Variants in PLBD1 observed in about 807,000 individuals in gnomAD.
PLBD1 encodes the protein lysosomal leucine aminopeptidase.
In PLBD1, 60 loss-of-function variants were observed where a neutral mutation model predicts 63.0. The observed-to-expected ratio is 0.95, with a 90% CI of 0.77 to 1.18. PLBD1 has a LOEUF of 1.18. Among genes scored for constraint, PLBD1 ranks in the 50% most tolerant of loss-of-function variants. PLBD1 has a pLI of 0.00. For missense variants in PLBD1, 598 were observed against 677.9 expected (o/e 0.88, Z 1.31); for synonymous variants, 262 against 248.0 (o/e 1.06, Z -0.53).
rs551325022 is a variant in PLBD1 at position 14,555,175 on chromosome 12, T to A, written c.116-1763A>T. Among the ~76,000 whole-genome samples, 262 of 152,330 alleles carry A rather than the reference T, an allele frequency of 1.7e-3. 4 individuals carry two copies. The highest frequency in any genetic ancestry group is 8.2e-4 in the Non-Finnish European group (56 of 68,028). On this transcript the variant is annotated intron_variant, in intron 1 of 10. Transcript: ENST00000240617. ...ATCCATTCTTCGTTCTCTACCAGAG[T>A]AGCACTTCTAAAATGTGAACTGATT...
At chr12:14,530,360 T>C (rs1945449519) in intron 6 of PLBD1, 1 of 152,212 alleles carries the variant, frequency 6.6e-6, no homozygotes, top group Non-Finnish European at 1.5e-5. Flanking sequence ...TTATCCCCAC[T>C]GTGCCCTATC....
chr12:14,546,870 GTTTC>G (rs1945620496), intron 2 of PLBD1, among the ~76,000 whole-genome samples: 2 of 151,906 alleles, frequency 1.3e-5, no homozygotes, highest in African/African-American at 2.4e-5. Context: ...TTTTCTTCTG[GTTTC>G]TTTTTTTTCT....
At chr12:14,519,605 T>G (rs1035236824) in intron 6 of PLBD1, among the ~76,000 whole-genome samples, 1 of 133,034 alleles carries the variant, frequency 7.5e-6, no homozygotes, top group Non-Finnish European at 1.6e-5. Context: ...GATGACAGAG[T>G]GAGACATCAT....
intron 1 of PLBD1, among the ~76,000 whole-genome samples, chr12:14,555,821 T>C (rs909760958): frequency 1.3e-5 from 2 of 152,198 alleles, no homozygotes; most frequent in African/African-American, 4.8e-5. Context: ...GGGAATGACT[T>C]CCTCTACAAA....
At chr12:14,563,501 G>A (rs1945758266) in intron 1 of PLBD1, among the ~76,000 whole-genome samples, 1 of 145,686 alleles carries the variant, frequency 6.9e-6, no homozygotes, top group African/African-American at 2.6e-5. Flanking sequence ...TTGGGCAACA[G>A]AGCAAGACTC....
At chr12:14,545,043 G>A (rs1945607035) in intron 2 of PLBD1, among the ~76,000 whole-genome samples, 1 of 151,208 alleles carries the variant, frequency 6.6e-6, no homozygotes, top group Admixed American at 6.6e-5. Flanking sequence ...CTCTTTCTCT[G>A]TCCAAATGCC....
intron 4 of PLBD1, among the ~76,000 whole-genome samples, chr12:14,537,067 C>A (rs1397184804): frequency 8.1e-6 from 1 of 123,774 alleles, no homozygotes; most frequent in South Asian, 2.4e-4. Flanking sequence ...CCAGCCTGGG[C>A]AACAGAGCGA....
chr12:14,512,749 G>C (rs1372600063), intron 6 of PLBD1, among the ~76,000 whole-genome samples: 1 of 152,228 alleles, frequency 6.6e-6, no homozygotes, highest in African/African-American at 2.4e-5. Flanking sequence ...GGTAGGGTTA[G>C]AAGGGGCCAG....
intron 1 of PLBD1, among the ~76,000 whole-genome samples, chr12:14,559,948 C>T (rs1945733198): frequency 6.6e-6 from 1 of 151,914 alleles, no homozygotes; most frequent in Non-Finnish European, 1.5e-5. Context: ...ACAGCCTCCG[C>T]CTCCCGGGTT....
In PLBD1 at chr12:14,519,678, C is replaced by T. The variant is rs1945361931; in HGVS notation, c.845-7967G>A. On this transcript the variant is annotated intron_variant, in intron 6 of 10. Transcript: ENST00000240617. Reference sequence around the variant, plus strand: ...AGGTATAGCCCACACAGAGAAAAGGCCATGTGAGGACACAGTGAGAGGGTG... The same window carrying T: ...AGGTATAGCCCACACAGAGAAAAGGTCATGTGAGGACACAGTGAGAGGGTG... Among the ~76,000 whole-genome samples the T allele has an allele frequency of 5.3e-5, 8 of 150,578 alleles. No homozygotes were observed. In the South Asian group the frequency reaches 1.7e-3, roughly 32 times the overall value.
At chr12:14,529,588 A>ATATTGAT (rs1945443504) in intron 6 of PLBD1, among the ~76,000 whole-genome samples, 2 of 152,228 alleles carry the variant, frequency 1.3e-5, no homozygotes, top group African/African-American at 4.8e-5. Flanking sequence ...TTATTGATAA[A>ATATTGAT]AATATTAAAG....
intron 6 of PLBD1, chr12:14,530,298 C>G (rs913325843): frequency 1.3e-5 from 2 of 152,278 alleles, no homozygotes; most frequent in Admixed American, 1.3e-4. Flanking sequence ...GAGATTTTAG[C>G]CCCTCAGTCA....
At chr12:14,520,102 T>C (rs974267770) in intron 6 of PLBD1, among the ~76,000 whole-genome samples, 3 of 152,212 alleles carry the variant, frequency 2.0e-5, no homozygotes, top group Admixed American at 2.0e-4. Context: ...GGTTTTCCCT[T>C]GTAAGACAGA....
chr12:14,556,528 TC>T (rs1352570963), intron 1 of PLBD1, among the ~76,000 whole-genome samples: 3 of 151,738 alleles, frequency 2.0e-5, no homozygotes, highest in African/African-American at 7.3e-5. Flanking sequence ...CACCATCACA[TC>T]CGGCTAATTT....
chr12:14,531,650 A>G (rs1459619313), intron 6 of PLBD1, among the ~76,000 whole-genome samples: 1 of 152,136 alleles, frequency 6.6e-6, no homozygotes, highest in Non-Finnish European at 1.5e-5. Flanking sequence ...GTTGTTCTTG[A>G]GACGAGGCCT....
chr12:14,513,774 C>T (rs1945317159), intron 6 of PLBD1, among the ~76,000 whole-genome samples: 2 of 151,540 alleles, frequency 1.3e-5, no homozygotes, highest in Admixed American at 1.3e-4. Context: ...GTCCAACTAA[C>T]TCTTAGTTTT....
At chr12:14,536,363 G>A (rs921134802) in intron 5 of PLBD1, among the ~76,000 whole-genome samples, 13 of 152,284 alleles carry the variant, frequency 8.5e-5, no homozygotes, top group South Asian at 8.3e-4. Context: ...TACAGCATGG[G>A]AGGAATGGTG....
At chr12:14,551,227 G>A (rs969988808) in intron 2 of PLBD1, among the ~76,000 whole-genome samples, 3 of 151,946 alleles carry the variant, frequency 2.0e-5, no homozygotes, top group Non-Finnish European at 4.4e-5. Context: ...GCTGGGTATG[G>A]TGGCGCGTAC....
intron 2 of PLBD1, among the ~76,000 whole-genome samples, chr12:14,547,084 T>A (rs1362297175): frequency 6.6e-6 from 1 of 152,082 alleles, no homozygotes; most frequent in Non-Finnish European, 1.5e-5. Context: ...TTCACCATGT[T>A]GGTCAGGCTG....
Sources: allele counts gnomAD v4.1 joint callset (sites outside exome capture counted in the v4.1 genomes callset), GRCh38; gene constraint gnomAD v4.1.1; transcripts MANE v1.5; gene names NCBI Gene and HGNC (gene_info 2026-07-23, HGNC 2026-07-21).